Variants in TPCN1 observed in about 807,000 individuals in gnomAD.
TPCN1 encodes the protein two pore channel protein 1.
Under a neutral mutation model 108.8 loss-of-function variants are expected in TPCN1, and 52 were observed. That is an observed-to-expected ratio of 0.48 (90% CI 0.38 to 0.60). TPCN1 has a LOEUF of 0.60. Among genes scored for constraint, TPCN1 ranks in the 20% least tolerant of loss-of-function variants. The pLI, the probability that TPCN1 is intolerant of heterozygous loss-of-function variation, is 0.00. For synonymous variants in TPCN1, 446 were observed against 433.7 expected, an observed-to-expected ratio of 1.03 and a Z score of -0.35; for missense variants, 806 against 1,072.8, an observed-to-expected ratio of 0.75 and a Z score of 3.47.
At position 113,269,872 on chromosome 12, in the gene TPCN1, T is replaced by C. The variant is rs764062381; in HGVS notation, c.748+27T>C. On this transcript the variant is annotated intron_variant, in intron 7 of 27. Coordinates refer to ENST00000335509, the MANE Select transcript of TPCN1 (RefSeq NM_017901.6). The surrounding 1 kb of genome is among the most constrained non-coding windows in gnomAD (Gnocchi z 5.0). ...TGAGTTCCCGCCTCTCAGGCCCAGGTGCGCTGGAAAAGCAAGTTCACGGTG... is the reference window on the plus strand; with the variant it reads ...TGAGTTCCCGCCTCTCAGGCCCAGGCGCGCTGGAAAAGCAAGTTCACGGTG... The C allele has an allele frequency of 1.2e-6, 2 of 1,611,300 alleles. No homozygotes were observed. The highest frequency in any genetic ancestry group is 2.7e-5 in the African/African-American group (2 of 74,850).
At chr12:113,235,381 C>T (rs1480162329) in intron 2 of TPCN1, among the ~76,000 whole-genome samples, 1 of 152,092 alleles carries the variant, frequency 6.6e-6, no homozygotes, top group Non-Finnish European at 1.5e-5. Context: ...CAACTTTAGA[C>T]CGCTACTGTT....
intron 2 of TPCN1, 114 bp downstream of exon 2, chr12:113,227,078 C>A (rs965120288): frequency 6.1e-6 from 5 of 819,866 alleles, no homozygotes; most frequent in Admixed American, 6.0e-5. Context: ...CCTGGCCCCA[C>A]ATTTGAGCCC....
intron 2 of TPCN1, among the ~76,000 whole-genome samples, chr12:113,238,976 T>TA (rs969571904): frequency 4.0e-5 from 6 of 151,830 alleles, no homozygotes; most frequent in Non-Finnish European, 7.4e-5. Flanking sequence ...AAAAAGAAGT[T>TA]AAAAAAAGTT....
At chr12:113,275,676 C>T (rs1248494516) in intron 10 of TPCN1, among the ~76,000 whole-genome samples, 2 of 150,842 alleles carry the variant, frequency 1.3e-5, no homozygotes, top group Admixed American at 1.3e-4. Flanking sequence ...GGATTCACAC[C>T]ATTCTCCTGC....
chr12:113,288,664 T>C lies in TPCN1; in HGVS notation c.1707-94T>C, dbSNP rs1956169645. 3 of 1,571,656 alleles carry C rather than the reference T, an allele frequency of 1.9e-6. No individual in the cohort carries two copies. The highest frequency in any genetic ancestry group is 2.6e-6 in the Non-Finnish European group (3 of 1,163,114). On this transcript the variant is annotated intron_variant, in intron 20 of 27. Coordinates refer to ENST00000335509, the MANE Select transcript of TPCN1 (RefSeq NM_017901.6). The surrounding 1 kb of genome is among the most constrained non-coding windows in gnomAD (Gnocchi z 4.8). ...GGTGAACCGACCAGGGGCATGGCCC[T>C]GCAGTCAGCCCCACGGGTCCGAGGA...
intron 3 of TPCN1, among the ~76,000 whole-genome samples, chr12:113,265,788 G>A (rs1425494346): frequency 2.6e-4 from 39 of 151,838 alleles, no homozygotes; most frequent in Middle Eastern, 3.4e-3. Flanking sequence ...ATGAGCCACC[G>A]CACCCAGCCC....
At chr12:113,281,160 T>G (rs1178408685) in intron 15 of TPCN1, among the ~76,000 whole-genome samples, 4 of 152,090 alleles carry the variant, frequency 2.6e-5, no homozygotes, top group Non-Finnish European at 4.4e-5. Flanking sequence ...CCTGTCTCAC[T>G]CACCTGAGTA....
chr12:113,248,161 C>A (rs1954476241), intron 2 of TPCN1, among the ~76,000 whole-genome samples: 1 of 152,254 alleles, frequency 6.6e-6, no homozygotes, highest in Non-Finnish European at 1.5e-5. Flanking sequence ...TGGAGCCCGC[C>A]CTCTTGCCCG....
chr12:113,253,239 T>C (rs534122409), intron 2 of TPCN1, among the ~76,000 whole-genome samples: 1 of 152,328 alleles, frequency 6.6e-6, no homozygotes, highest in South Asian at 2.1e-4. Context: ...AGATACAATG[T>C]ATTTAGATAG....
chr12:113,255,458 T>C (rs1954797738), intron 2 of TPCN1, among the ~76,000 whole-genome samples: 1 of 152,080 alleles, frequency 6.6e-6, no homozygotes, highest in Non-Finnish European at 1.5e-5. Context: ...CCAATAGATC[T>C]GACATAATTT....
chr12:113,296,035 C>T lies in TPCN1; in HGVS notation c.2410C>T (p.Gln804Ter). Residue 804 changes from glutamine (Q) to a stop codon, truncating the protein, a stop_gained, in exon 28 of 28, where the codon CAG becomes TAG. Coordinates refer to ENST00000335509, the MANE Select transcript of TPCN1 (RefSeq NM_017901.6). LOFTEE classifies it high-confidence loss of function. Reference protein sequence around the residue: ...LSSSAAPAAQQPPGSRQRSQT... With the variant: ...LSSSAAPAAQ ...CAGCAGTGCAGCCCCCGCCGCCCAGCAGCCCCCAGGCAGCCGCCAGCGCTC... is the reference window on the plus strand; with the variant it reads ...CAGCAGTGCAGCCCCCGCCGCCCAGTAGCCCCCAGGCAGCCGCCAGCGCTC... 6.2e-7 allele frequency: 1 copy of T among 1,613,308 alleles called. No individual in the cohort carries two copies. Among genetic ancestry groups the T allele is most frequent in the Non-Finnish European group, 8.5e-7 (1 of 1,179,892 alleles).
Position 113,221,477 on chromosome 12 carries a change from T to A in TPCN1, c.-275T>A, listed in dbSNP as rs1198932398. 3 of 315,420 alleles carry A rather than the reference T, an allele frequency of 9.5e-6. No individual in the cohort carries two copies. The highest frequency in any genetic ancestry group is 2.2e-5 in the African/African-American group (1 of 46,014). The allele number at this position is 315,420 out of a possible 1,614,324, so 19.5% of individuals were successfully genotyped here. A position where few individuals can be genotyped will look rare whatever the true frequency, so the allele number is the denominator to read the frequency against. ...CGGTGGATAGGAGAGCTGGCGCAGC[T>A]GCCCTGGTGGCAGTGGCTGAAGTGG... is the stretch of plus-strand genomic sequence containing the variant. On this transcript the variant is annotated 5_prime_UTR_variant, in exon 1 of 28. Coordinates refer to ENST00000335509, the MANE Select transcript of TPCN1 (RefSeq NM_017901.6).
In TPCN1 at chr12:113,273,538, C is replaced by G; in HGVS notation, c.843-31C>G. Reference sequence around the variant, plus strand: ...CTGAGAGGATGGAGACAGGCAGATACAGCACGCCGGGTCACCCTCTGCAAA... The same window carrying G: ...CTGAGAGGATGGAGACAGGCAGATAGAGCACGCCGGGTCACCCTCTGCAAA... On this transcript the variant is annotated intron_variant, in intron 9 of 27. Transcript: ENST00000335509. The surrounding 1 kb of genome is among the most constrained non-coding windows in gnomAD (Gnocchi z 4.0). 6.4e-7 allele frequency: 1 copy of G among 1,555,524 alleles called. No homozygotes were observed.
intron 2 of TPCN1, among the ~76,000 whole-genome samples, chr12:113,245,411 C>A (rs1465331987): frequency 3.1e-4 from 38 of 124,250 alleles, no homozygotes; most frequent in Admixed American, 3.1e-4. Context: ...TCCTGGCTAA[C>A]ACGGTGAAAC....
rs772109358 is a variant in TPCN1 at position 113,291,537 on chromosome 12, G to A, written c.1960-72G>A. 6.7e-6 allele frequency: 9 copies of A among 1,346,062 alleles called. No individual in the cohort carries two copies. In the African/African-American group the frequency reaches 1.0e-4, roughly 15 times the overall value. The allele number at this position is 1,346,062 out of a possible 1,614,324, so 83.4% of individuals were successfully genotyped here. ...GGGGTCTGCGAAGAGCCGGGGCCAT[G>A]GAGCAGCCTGTGTAGACGGGGACCT... On this transcript the variant is annotated intron_variant, in intron 23 of 27. Transcript: ENST00000335509.
In TPCN1 at chr12:113,289,358, G is replaced by A. The variant is rs1227266476; in HGVS notation, c.1796+511G>A. On this transcript the variant is annotated intron_variant, in intron 21 of 27. Transcript: ENST00000335509. The surrounding 1 kb of genome is among the most constrained non-coding windows in gnomAD (Gnocchi z 4.1). ...CATTCATTCATCCTCAATTCAGAGA[G>A]TCCTCTTACATTTGGTCTTTACAGC... 1.3e-5 allele frequency among the ~76,000 whole-genome samples: 2 copies of A among 152,248 alleles called. No homozygotes were observed. Among genetic ancestry groups the A allele is most frequent in the African/African-American group, 4.8e-5 (2 of 41,474 alleles).
chr12:113,252,343 G>A (rs1284657350), intron 2 of TPCN1, among the ~76,000 whole-genome samples: 1 of 152,198 alleles, frequency 6.6e-6, no homozygotes, highest in Non-Finnish European at 1.5e-5. Context: ...GGTATAAGTG[G>A]TAAGGGATAG....
Position 113,293,325 on chromosome 12 carries a change from G to C in TPCN1, c.2310G>C (p.Leu770=). ...CAAGGACCAAGAGCGACCTGAGCCT[G>C]AAGATGTACCAGGAGGAGATCCAGG... ...RRSRTKSDLS[L]KMYQEEIQEW... is the part of the protein sequence containing the mutation. Residue 770 remains leucine, a synonymous_variant, in exon 27 of 28, where the codon CTG becomes CTC. Coordinates refer to ENST00000335509, the MANE Select transcript of TPCN1 (RefSeq NM_017901.6). 6.2e-7 allele frequency: 1 copy of C among 1,614,120 alleles called. No individual in the cohort carries two copies.
chr12:113,235,526 A>G (rs978762848), intron 2 of TPCN1, among the ~76,000 whole-genome samples: 1 of 152,142 alleles, frequency 6.6e-6, no homozygotes, highest in Non-Finnish European at 1.5e-5. Flanking sequence ...AAAAAAGAAA[A>G]AAGTGATTTA....
Sources: gnomAD v4.1 joint callset for allele counts (sites outside exome capture counted in the v4.1 genomes callset) on GRCh38, gnomAD v4.1.1 for gene constraint, Gnocchi (gnomAD v3.1) non-coding constraint, MANE v1.5 for transcripts, NCBI Gene and HGNC (gene_info 2026-07-23, HGNC 2026-07-21) for gene names.